GYS2: variants seen among roughly 807,000 people sequenced by gnomAD.
The protein encoded by GYS2 is glycogen [starch] synthase, liver.
In GYS2, 80 loss-of-function variants were observed where a neutral mutation model predicts 85.6. The ratio of observed to expected loss-of-function variants is 0.93; its 90% confidence interval spans 0.78 to 1.13. The LOEUF (loss-of-function observed/expected upper bound fraction) is 1.13, where lower values mean the gene tolerates loss of function less well. Ranked by LOEUF, GYS2 falls within the 50% of genes most tolerant of loss-of-function variation. GYS2 has a pLI of 0.00. For synonymous variants in GYS2, 328 were observed against 300.7 expected, an observed-to-expected ratio of 1.09 and a Z score of -0.94; for missense variants, 881 against 854.9, an observed-to-expected ratio of 1.03 and a Z score of -0.38.
Position 21,537,377 on chromosome 12 carries a change from T to C in GYS2, c.1891-202A>G, listed in dbSNP as rs374345336. ...CAATATATAGCTATTCTTTATTAAG[T>C]ACTGAAATGTGCTAAGTGTTATATA... On this transcript the variant is annotated intron_variant, in intron 15 of 15. Coordinates refer to ENST00000261195, the MANE Select transcript of GYS2 (RefSeq NM_021957.4). 1,168 of 602,744 alleles carry C rather than the reference T, an allele frequency of 1.9e-3. 29 individuals are homozygous for C. The South Asian group carries it at 0.022, about 11-fold the overall frequency. The allele number at this position is 602,744 out of a possible 1,614,324, so 37.3% of individuals were successfully genotyped here.
chr12:21,557,831 G>A (rs975446254), intron 11 of GYS2, among the ~76,000 whole-genome samples: 1 of 151,988 alleles, frequency 6.6e-6, no homozygotes, highest in Admixed American at 6.6e-5. Context: ...CCCGGGAGGC[G>A]GAGCTTGCAG....
At chr12:21,560,331 A>C in intron 8 of GYS2, 55 bp downstream of exon 8, 1 of 978,094 alleles carries the variant, frequency 1.0e-6, no homozygotes, top group East Asian at 2.4e-5. Context: ...TCATTCACTT[A>C]AAAGAAATCT....
chr12:21,557,185 A>C (rs148598848), intron 11 of GYS2, among the ~76,000 whole-genome samples: 12 of 152,356 alleles, frequency 7.9e-5, no homozygotes, highest in African/African-American at 2.9e-4. Context: ...TTCATTTGAA[A>C]AGATTCATTG....
intron 4 of GYS2, among the ~76,000 whole-genome samples, chr12:21,572,920 T>C (rs182034309): frequency 2.0e-5 from 3 of 152,316 alleles, no homozygotes; most frequent in Non-Finnish European, 2.9e-5. Flanking sequence ...CCAGGAAGCA[T>C]GGTTGTTGAG....
In GYS2 at chr12:21,558,305, T is replaced by G; in HGVS notation, c.1317A>C (p.Ser439=). The G allele has an allele frequency of 6.2e-7, 1 of 1,602,080 alleles. No individual in the cohort carries two copies. The highest frequency in any genetic ancestry group is 8.6e-7 in the Non-Finnish European group (1 of 1,169,044). ...TGTTGTGCGTGGTCACTGGGGGCAA[T>G]GACTGTCGCTGAAGTATGAGAGGGA... The part of the protein sequence containing the change: ...KRAIFSTQRQ[S]LPPVTTHNMI... Residue 439 remains serine (S), a synonymous_variant, in exon 11 of 16, where the codon TCA becomes TCC. Coordinates refer to ENST00000261195, the MANE Select transcript of GYS2 (RefSeq NM_021957.4).
intron 7 of GYS2, among the ~76,000 whole-genome samples, chr12:21,561,121 A>G (rs1218192289): frequency 3.9e-5 from 6 of 152,174 alleles, no homozygotes; most frequent in African/African-American, 1.4e-4. Flanking sequence ...TGGGTGCTTT[A>G]AATATACTAC....
intron 11 of GYS2, among the ~76,000 whole-genome samples, chr12:21,554,169 A>G (rs59857578): frequency 0.72 from 109,351 of 150,978 alleles, 40,120 homozygotes; most frequent in South Asian, 0.79. Context: ...GAAGGAAGGA[A>G]GGAGGGAAGG....
intron 1 of GYS2, among the ~76,000 whole-genome samples, chr12:21,600,008 A>G (rs1381187021): frequency 6.6e-6 from 1 of 152,184 alleles, no homozygotes; most frequent in East Asian, 1.9e-4. Context: ...ATAAATCTCA[A>G]CATTACCCAG....
In GYS2 at chr12:21,591,045, A is replaced by G. The variant is rs531037274; in HGVS notation, c.122-10522T>C. Among the ~76,000 whole-genome samples, 133 of 152,364 alleles carry G rather than the reference A, an allele frequency of 8.7e-4. 1 individual carries two copies. The highest frequency in any genetic ancestry group is 3.4e-3 in the Middle Eastern group (1 of 294). The stretch of plus-strand genomic sequence containing the variant: ...GCAGCAATCATTACACCAGATGCAG[A>G]GATATCAATGCAAGAACAAAATAAA... On this transcript the variant is annotated intron_variant, in intron 1 of 15. Coordinates refer to ENST00000261195, the MANE Select transcript of GYS2 (RefSeq NM_021957.4).
rs371292004 is a variant in GYS2, at chr12:21,576,001, T to A, written c.360A>T (p.Ile120=). The A allele has an allele frequency of 1.6e-5, 26 of 1,613,722 alleles. No homozygotes were observed. Among genetic ancestry groups the A allele is most frequent in the Non-Finnish European group, 2.0e-5 (24 of 1,179,820 alleles). The change falls in exon 3 of 16, where the codon ATA becomes ATT. Residue 120 remains isoleucine (I), a synonymous_variant. Transcript: ENST00000261195. ...TGTCCAGATTCCAAGCTGAATAGCC[T>A]ATGTCAAAAAGTACCACATAAGGAC... The part of the protein sequence containing the change: ...EGSPYVVLFD[I]GYSAWNLDRW...
At chr12:21,603,283 C>A (rs1024700209) in intron 1 of GYS2, among the ~76,000 whole-genome samples, 3 of 152,054 alleles carry the variant, frequency 2.0e-5, no homozygotes, top group Non-Finnish European at 4.4e-5. Context: ...AGAATAAGAC[C>A]GTGCTTTGTT....
intron 1 of GYS2, among the ~76,000 whole-genome samples, chr12:21,582,518 T>C (rs965357440): frequency 6.6e-6 from 1 of 152,132 alleles, no homozygotes; most frequent in Non-Finnish European, 1.5e-5. Flanking sequence ...TGGCCTGTTT[T>C]GGGACCTTGT....
chr12:21,545,376 A>G (rs1216114148), intron 12 of GYS2, among the ~76,000 whole-genome samples: 2 of 152,238 alleles, frequency 1.3e-5, no homozygotes, highest in Non-Finnish European at 2.9e-5. Flanking sequence ...CAGGAGGCGA[A>G]GGTTGCAGTG....
At position 21,559,216 on chromosome 12, in the gene GYS2, A is replaced by C. The variant is rs374402319; in HGVS notation, c.1230-47T>G. On this transcript the variant is annotated intron_variant, in intron 9 of 15. Transcript: ENST00000261195. Reference sequence around the variant, plus strand: ...AACAAAAATAAAAACAGCTGGCACTAATTCAGTGATTCCTAAGCATCAGAT... The same window carrying C: ...AACAAAAATAAAAACAGCTGGCACTCATTCAGTGATTCCTAAGCATCAGAT... 2.5e-5 allele frequency: 24 copies of C among 973,200 alleles called. No individual in the cohort carries two copies. The South Asian group carries it at 2.9e-4, about 12-fold the overall frequency. The allele number at this position is 973,200 out of a possible 1,614,324, so 60.3% of individuals were successfully genotyped here. A position where few individuals can be genotyped will look rare whatever the true frequency, so the allele number is the denominator to read the frequency against.
intron 9 of GYS2, among the ~76,000 whole-genome samples, 188 bp downstream of exon 9, chr12:21,559,462 TA>T (rs1290093991): frequency 6.6e-6 from 1 of 152,198 alleles, no homozygotes; most frequent in African/African-American, 2.4e-5. Flanking sequence ...AATGTATTCT[TA>T]TTTGTACAGC....
In GYS2 at chr12:21,575,986, C is replaced by G. The variant is rs766324299; in HGVS notation, c.375G>C (p.Trp125Cys). Residue 125 changes from tryptophan to cysteine, a missense_variant, in exon 3 of 16, where the codon TGG (tryptophan) becomes TGC (cysteine). By Grantham distance (215) the Trp-to-Cys change is radical. Coordinates refer to ENST00000261195, the MANE Select transcript of GYS2 (RefSeq NM_021957.4). ...VVLFDIGYSA[W>C]NLDRWKGDLW... is the part of the protein sequence containing the mutation. ...GGTCACCCTTCCACCTGTCCAGATT[C>G]CAAGCTGAATAGCCTATGTCAAAAA... 66 of 1,613,748 alleles carry G rather than the reference C, an allele frequency of 4.1e-5. No homozygotes were observed. Among genetic ancestry groups the G allele is most frequent in the Non-Finnish European group, 5.3e-5 (63 of 1,179,858 alleles).
chr12:21,559,229 C>A, intron 9 of GYS2, 60 bp from the exon 10 acceptor site: 11 of 838,740 alleles, frequency 1.3e-5, no homozygotes, highest in South Asian at 2.8e-5. Flanking sequence ...TCAGTGATTC[C>A]TAAGCATCAG....
chr12:21,596,162 A>T (rs1203199147), intron 1 of GYS2, among the ~76,000 whole-genome samples: 1 of 152,096 alleles, frequency 6.6e-6, no homozygotes, highest in Non-Finnish European at 1.5e-5. Flanking sequence ...TCACAACAGA[A>T]TTCTACTAGA....
chr12:21,545,674 G>A lies in GYS2; in HGVS notation c.1549+670C>T, dbSNP rs1944030234. Reference sequence around the variant, plus strand: ...GAAAAGAAAAATACATAGTAAACCTGAGAAACTACCATCTGTTAAAAAATA... The same window carrying A: ...GAAAAGAAAAATACATAGTAAACCTAAGAAACTACCATCTGTTAAAAAATA... On this transcript the variant is annotated intron_variant, in intron 12 of 15. Transcript: ENST00000261195. Among the ~76,000 whole-genome samples, 4 of 152,146 alleles carry A rather than the reference G, an allele frequency of 2.6e-5. No homozygotes were observed. The South Asian group carries it at 8.3e-4, about 32-fold the overall frequency.
Sources: allele counts gnomAD v4.1 joint callset (sites outside exome capture counted in the v4.1 genomes callset), GRCh38; gene constraint gnomAD v4.1.1; transcripts MANE v1.5; gene names NCBI Gene and HGNC (gene_info 2026-07-23, HGNC 2026-07-21).